The following SAMD12 variants were observed in gnomAD, a reference collection of about 807,000 sequenced individuals.
The protein encoded by SAMD12 is sterile alpha motif domain containing 12.
A neutral mutation model predicts 15.0 loss-of-function variants in SAMD12; 9 were observed. The ratio of observed to expected loss-of-function variants is 0.60; its 90% CI spans 0.36 to 1.05. The LOEUF (loss-of-function observed/expected upper bound fraction) is 1.05, where lower values mean the gene tolerates loss of function less well. SAMD12 is among the 50% of genes least tolerant of loss of function. The pLI is 0.01. For synonymous variants in SAMD12, 86 were observed against 90.1 expected (o/e 0.96, Z 0.25); for missense variants, 230 against 234.2 (o/e 0.98, Z 0.12).
At chr8:118,540,654 A>G (rs978964597) in intron 2 of SAMD12, among the ~76,000 whole-genome samples, 3 of 152,078 alleles carry the variant, frequency 2.0e-5, no homozygotes, top group African/African-American at 7.2e-5. Context: ...GATGTTACAT[A>G]AAGGGGCCTT....
At chr8:118,295,496 A>G (rs1351851640) in intron 4 of SAMD12, among the ~76,000 whole-genome samples, 2 of 152,212 alleles carry the variant, frequency 1.3e-5, no homozygotes, top group East Asian at 1.9e-4. Flanking sequence ...GTAATTCTAC[A>G]TATGAAAGTA....
chr8:118,364,572 G>A (rs1238084669), intron 4 of SAMD12, among the ~76,000 whole-genome samples: 2 of 152,132 alleles, frequency 1.3e-5, no homozygotes, highest in African/African-American at 4.8e-5. Flanking sequence ...TCTGCATAGA[G>A]CTGGACAGCA....
At chr8:118,151,463 A>G in the SAMD12 span, among the ~76,000 whole-genome samples, 1 of 152,196 alleles carries the variant, frequency 6.6e-6, no homozygotes, top group Non-Finnish European at 1.5e-5. Context: ...AAATAAGAAG[A>G]AATTTTAAAA....
chr8:118,346,453 C>T (rs1586573550), intron 4 of SAMD12, among the ~76,000 whole-genome samples: 2 of 152,116 alleles, frequency 1.3e-5, no homozygotes, highest in African/African-American at 4.8e-5. Flanking sequence ...CATGAGCCTT[C>T]GGAACCCTAA....
chr8:118,238,449 C>A (rs1035217850), intron 4 of SAMD12, among the ~76,000 whole-genome samples: 1 of 152,010 alleles, frequency 6.6e-6, no homozygotes, highest in African/African-American at 2.4e-5. Context: ...TGGATAAGAC[C>A]CTTGAGACCC....
At chr8:118,590,099 T>C (rs1278371868) in intron 1 of SAMD12, among the ~76,000 whole-genome samples, 1 of 152,100 alleles carries the variant, frequency 6.6e-6, no homozygotes, top group Non-Finnish European at 1.5e-5. Flanking sequence ...ACCTGCAACT[T>C]GGGAAGAGCT....
At chr8:118,587,754 GTTC>G (rs1441422888) in intron 1 of SAMD12, among the ~76,000 whole-genome samples, 2 of 152,160 alleles carry the variant, frequency 1.3e-5, no homozygotes, top group African/African-American at 4.8e-5. Context: ...CTCGAACTTT[GTTC>G]TTCATTATTC....
the SAMD12 span, among the ~76,000 whole-genome samples, chr8:118,150,940 G>A: frequency 6.6e-6 from 1 of 152,080 alleles, no homozygotes; most frequent in Non-Finnish European, 1.5e-5. Context: ...AGGGATAATG[G>A]CACACACCTG....
intron 1 of SAMD12, among the ~76,000 whole-genome samples, chr8:118,602,419 A>T (rs953515517): frequency 2.0e-5 from 3 of 152,058 alleles, no homozygotes; most frequent in Non-Finnish European, 1.5e-5. Flanking sequence ...ACACAATTTT[A>T]AAAAAACTAC....
At chr8:118,277,242 G>A (rs2130137187) in intron 4 of SAMD12, among the ~76,000 whole-genome samples, 1 of 152,248 alleles carries the variant, frequency 6.6e-6, no homozygotes. Flanking sequence ...CCCACATGGT[G>A]CATAGTTCGA....
intron 4 of SAMD12, among the ~76,000 whole-genome samples, chr8:118,350,615 T>A (rs562921014): frequency 6.6e-6 from 1 of 152,200 alleles, no homozygotes; most frequent in Non-Finnish European, 1.5e-5. Flanking sequence ...TAAAGGTCTG[T>A]TTGACAACCA....
At chr8:118,263,034 T>C (rs1213033522) in intron 4 of SAMD12, among the ~76,000 whole-genome samples, 7 of 152,104 alleles carry the variant, frequency 4.6e-5, no homozygotes, top group Admixed American at 3.3e-4. Context: ...GATAGTACTA[T>C]GAACCCACAT....
At chr8:118,272,031 ACT>A (rs968729745) in intron 4 of SAMD12, among the ~76,000 whole-genome samples, 43 of 152,110 alleles carry the variant, frequency 2.8e-4, no homozygotes, top group African/African-American at 1.0e-3. Context: ...CCCAGTGGGG[ACT>A]CTGTGTGGGG....
chr8:118,499,287 C>T (rs2131035177), intron 2 of SAMD12, among the ~76,000 whole-genome samples: 1 of 152,302 alleles, frequency 6.6e-6, no homozygotes, highest in Non-Finnish European at 1.5e-5. Flanking sequence ...ACCACCCAAC[C>T]AGACTGAACA....
chr8:118,531,702 T>G lies in SAMD12; in HGVS notation c.192+49013A>C, dbSNP rs187392570. Among the ~76,000 whole-genome samples the G allele has an allele frequency of 4.5e-3, 688 of 152,248 alleles. 3 individuals are homozygous for G. The highest frequency in any genetic ancestry group is 0.015 in the African/African-American group (627 of 41,552). On this transcript the variant is annotated intron_variant, in intron 2 of 3. Coordinates refer to ENST00000314727, the MANE Select transcript of SAMD12 (RefSeq NM_207506.3). The stretch of plus-strand genomic sequence containing the variant: ...CTCTTTGAAGCAATTGTGAATGGGA[T>G]TTCACTCATGATTTGGCTCTCTGTT...
At chr8:118,405,500 G>T (rs960745964) in intron 3 of SAMD12, among the ~76,000 whole-genome samples, 1 of 152,184 alleles carries the variant, frequency 6.6e-6, no homozygotes, top group Admixed American at 6.5e-5. Flanking sequence ...TAGAATAGTG[G>T]TTACCTTGGA....
chr8:118,166,665 G>A, the SAMD12 span, among the ~76,000 whole-genome samples: 19 of 152,230 alleles, frequency 1.2e-4, no homozygotes, highest in African/African-American at 4.3e-4. Flanking sequence ...CCAAGCTCAG[G>A]AAAAAGTTCA....
intron 1 of SAMD12, among the ~76,000 whole-genome samples, chr8:118,592,151 G>C (rs1040114892): frequency 6.6e-6 from 1 of 152,110 alleles, no homozygotes; most frequent in African/African-American, 2.4e-5. Context: ...GAGAAACCCT[G>C]TCTCTACTAA....
chr8:118,378,613 A>G lies in SAMD12; in HGVS notation c.*804T>C. ...AACTTGGCTGACCCAGATTTCTCCA[A>G]TATCGGTATGCATGCAATTACAATA... On this transcript the variant is annotated 3_prime_UTR_variant, in exon 4 of 4. Coordinates refer to ENST00000314727, the MANE Select transcript of SAMD12 (RefSeq NM_207506.3). 1 of 985,322 alleles carries G rather than the reference A, an allele frequency of 1.0e-6. No individual in the cohort carries two copies. The highest frequency in any genetic ancestry group is 1.2e-6 in the Non-Finnish European group (1 of 829,826). 61.0% of individuals were successfully genotyped at this position (985,322 alleles called of 1,614,324 possible).
Sources: gnomAD v4.1 joint callset for allele counts (sites outside exome capture counted in the v4.1 genomes callset) on GRCh38, gnomAD v4.1.1 for gene constraint, MANE v1.5 for transcripts, NCBI Gene and HGNC (gene_info 2026-07-23, HGNC 2026-07-21) for gene names.